The following DYNC2H1 variants were observed in gnomAD, a reference collection of about 807,000 sequenced individuals.
DYNC2H1 encodes cytoplasmic dynein 2 heavy chain 1.
A neutral mutation model predicts 570.0 loss-of-function variants in DYNC2H1; 410 were observed. That is an observed-to-expected ratio of 0.72 (90% CI 0.66 to 0.78). DYNC2H1 has a LOEUF of 0.78. Ranked by LOEUF, DYNC2H1 falls within the 30% of genes least tolerant of loss-of-function variation. The pLI, the probability that DYNC2H1 is intolerant of heterozygous loss-of-function variation, is 0.00. For missense variants in DYNC2H1, 4,865 were observed against 5,046.4 expected (o/e 0.96, Z 1.09); for synonymous variants, 1,688 against 1,677.6 (o/e 1.01, Z -0.15).
intron 82 of DYNC2H1, among the ~76,000 whole-genome samples, chr11:103,346,636 CTT>C (rs1939758085): frequency 6.6e-6 from 1 of 151,824 alleles, no homozygotes; most frequent in Admixed American, 6.6e-5. Context: ...ATATCATAGA[CTT>C]GATTTTCAAA....
Position 103,374,890 on chromosome 11 carries a change from A to G in DYNC2H1, c.12156+16531A>G, listed in dbSNP as rs569734261. On this transcript the variant is annotated intron_variant, in intron 83 of 88. Coordinates refer to ENST00000375735, the MANE Select transcript of DYNC2H1 (RefSeq NM_001377.3). ...TCTGGGAGAAATTCAAACCAGCTAT[A>G]GAAATTTGTATAATGAAGAGCCAAA... Among the ~76,000 whole-genome samples, 7 of 152,352 alleles carry G rather than the reference A, an allele frequency of 4.6e-5. No individual in the cohort carries two copies. In the East Asian group the frequency reaches 1.4e-3, roughly 29 times the overall value.
intron 70 of DYNC2H1, among the ~76,000 whole-genome samples, chr11:103,272,240 G>A (rs1033803068): frequency 6.6e-6 from 1 of 152,180 alleles, no homozygotes; most frequent in Non-Finnish European, 1.5e-5. Context: ...ATACTATGCA[G>A]CCATAAAAAA....
At chr11:103,468,517 GGTAGA>G (rs1945268997) in intron 87 of DYNC2H1, 67 bp from the exon 88 acceptor site, 1 of 1,003,748 alleles carries the variant, frequency 1.0e-6, no homozygotes. Context: ...TAGCTCTTAA[GGTAGA>G]ATAGAGTAAC....
At chr11:103,121,245 C>T in intron 9 of DYNC2H1, 127 bp from the exon 10 acceptor site, 1 of 1,170,902 alleles carries the variant, frequency 8.5e-7, no homozygotes, top group Admixed American at 2.9e-5. Flanking sequence ...TGGTACAGTC[C>T]TTGGGGATAA....
chr11:103,167,235 T>C (rs930180698), intron 31 of DYNC2H1, among the ~76,000 whole-genome samples: 2 of 151,986 alleles, frequency 1.3e-5, no homozygotes, highest in Non-Finnish European at 2.9e-5. Flanking sequence ...TTGTACTTCT[T>C]AGAGCACTTT....
intron 85 of DYNC2H1, among the ~76,000 whole-genome samples, chr11:103,449,965 C>A (rs930865412): frequency 6.6e-6 from 1 of 152,010 alleles, no homozygotes; most frequent in African/African-American, 2.4e-5. Context: ...TGGCATTGCA[C>A]TTTAAATATA....
intron 26 of DYNC2H1, among the ~76,000 whole-genome samples, chr11:103,158,263 C>T (rs577529644): frequency 9.2e-4 from 140 of 152,082 alleles, no homozygotes; most frequent in African/African-American, 3.0e-3. Flanking sequence ...GTGGCTAACA[C>T]GGTGAAACCC....
chr11:103,283,929 C>G (rs1406937314), intron 73 of DYNC2H1, among the ~76,000 whole-genome samples: 1 of 151,980 alleles, frequency 6.6e-6, no homozygotes, highest in Non-Finnish European at 1.5e-5. Flanking sequence ...TGGCATAATG[C>G]TAGTGACAGT....
intron 28 of DYNC2H1, among the ~76,000 whole-genome samples, chr11:103,160,079 A>G (rs1297898561): frequency 6.6e-6 from 1 of 152,108 alleles, no homozygotes; most frequent in Admixed American, 6.6e-5. Flanking sequence ...GGGCAATGGG[A>G]AGTAGTAGAA....
chr11:103,435,159 C>T (rs560151809), intron 84 of DYNC2H1, among the ~76,000 whole-genome samples: 1 of 152,138 alleles, frequency 6.6e-6, no homozygotes, highest in Admixed American at 6.6e-5. Context: ...TAAATTTGGT[C>T]ATCTTACAAT....
intron 83 of DYNC2H1, among the ~76,000 whole-genome samples, chr11:103,376,855 T>C (rs1024189012): frequency 6.6e-6 from 1 of 152,248 alleles, no homozygotes; most frequent in Non-Finnish European, 1.5e-5. Flanking sequence ...CTTTTAATTA[T>C]CTGGTAAGGT....
chr11:103,365,579 G>C lies in DYNC2H1; in HGVS notation c.12156+7220G>C, dbSNP rs539389890. Among the ~76,000 whole-genome samples, 3 of 152,314 alleles carry C rather than the reference G, an allele frequency of 2.0e-5. No individual in the cohort carries two copies. In the South Asian group the frequency reaches 6.2e-4, roughly 32 times the overall value. On this transcript the variant is annotated intron_variant, in intron 83 of 88. Transcript: ENST00000375735. The stretch of plus-strand genomic sequence containing the variant: ...AGATTGAAATAGGGAAAAGGTGTCA[G>C]TTTAACTCATTGTTTAGATCTGGGC...
At chr11:103,197,900 C>A (rs1376468765) in intron 47 of DYNC2H1, 33 bp from the exon 48 acceptor site, 6 of 1,552,142 alleles carry the variant, frequency 3.9e-6, no homozygotes, top group Non-Finnish European at 5.2e-6. Flanking sequence ...ACGAGTAATG[C>A]ATATAAAACA....
In DYNC2H1 at chr11:103,156,445, G is replaced by T. The variant is rs1368042933; in HGVS notation, c.3802G>T (p.Asp1268Tyr). 2 of 1,613,586 alleles carry T rather than the reference G, an allele frequency of 1.2e-6. No individual in the cohort carries two copies. The highest frequency in any genetic ancestry group is 1.3e-5 in the African/African-American group (1 of 74,910). Residue 1268 changes from aspartate (D) to tyrosine (Y), a missense_variant, in exon 26 of 89, where the codon GAT becomes TAT. Transcript: ENST00000375735. Reference sequence around the variant, plus strand: ...AATCAGAGAAGCTTTACGTGAACTTGATCTTTGGGGAGTTGGAGCAGTGTT... The same window carrying T: ...AATCAGAGAAGCTTTACGTGAACTTTATCTTTGGGGAGTTGGAGCAGTGTT... Reference protein sequence around the residue: ...VTIREALRELDLWGVGAVFTL... With the variant: ...VTIREALRELYLWGVGAVFTL...
chr11:103,163,184 G>T lies in DYNC2H1; in HGVS notation c.4611+37G>T. ...TACGTGTAGAAGCTACATAGGCATG[G>T]AACGTGGAAAGATCCCTGACCTAGA... On this transcript the variant is annotated intron_variant, in intron 30 of 88. Coordinates refer to ENST00000375735, the MANE Select transcript of DYNC2H1 (RefSeq NM_001377.3). This position sits in a 1 kb window ranked among gnomAD's most constrained non-coding sequence, Gnocchi z 4.6. 1 of 1,576,946 alleles carries T rather than the reference G, an allele frequency of 6.3e-7. No individual in the cohort carries two copies. The highest frequency in any genetic ancestry group is 1.2e-5 in the South Asian group (1 of 83,346).
chr11:103,227,100 A>G (rs1025481946), intron 59 of DYNC2H1, among the ~76,000 whole-genome samples: 1 of 151,938 alleles, frequency 6.6e-6, no homozygotes, highest in African/African-American at 2.4e-5. Flanking sequence ...TAATCTTGCA[A>G]ATGGTCTGTC....
intron 31 of DYNC2H1, among the ~76,000 whole-genome samples, chr11:103,166,990 C>CTTTTTTTTTTTTTTTTTTTTTTTT (rs34816989): frequency 2.6e-4 from 15 of 56,986 alleles, no homozygotes; most frequent in East Asian, 1.3e-3. Context: ...GAGGCGCTGC[C>CTTTTTTTTTTTTTTTTTTTTTTTT]TTTTTTTTTT....
chr11:103,354,950 CT>C (rs1940265938), intron 82 of DYNC2H1, among the ~76,000 whole-genome samples: 2 of 151,858 alleles, frequency 1.3e-5, no homozygotes, highest in Admixed American at 1.3e-4. Flanking sequence ...CAGAAGGTTT[CT>C]TTTTAAAAAT....
At chr11:103,197,845 A>G in intron 47 of DYNC2H1, 88 bp from the exon 48 acceptor site, 1 of 1,390,772 alleles carries the variant, frequency 7.2e-7, no homozygotes, top group Non-Finnish European at 9.8e-7. Context: ...TGGATTATTA[A>G]CTTAAAAATG....
Sources: gnomAD v4.1 joint callset for allele counts (sites outside exome capture counted in the v4.1 genomes callset) on GRCh38, gnomAD v4.1.1 for gene constraint, Gnocchi (gnomAD v3.1) non-coding constraint, MANE v1.5 for transcripts, NCBI Gene and HGNC (gene_info 2026-07-23, HGNC 2026-07-21) for gene names.